SLC39A12: variants seen among roughly 807,000 people sequenced by gnomAD.
SLC39A12 encodes the protein zinc transporter ZIP12.
SLC39A12 carries 63 observed loss-of-function variants against 71.1 expected under a neutral mutation model. The observed-to-expected ratio is 0.89, with a 90% CI of 0.72 to 1.09. The LOEUF (loss-of-function observed/expected upper bound fraction) is 1.09, where lower values mean the gene tolerates loss of function less well. SLC39A12 is among the 50% of genes least tolerant of loss of function. The pLI is 0.00. For missense variants in SLC39A12, 892 were observed against 812.6 expected (o/e 1.10, Z -1.19); for synonymous variants, 351 against 301.3 (o/e 1.16, Z -1.71).
chr10:17,983,498 C>G (rs12251231), intron 6 of SLC39A12, among the ~76,000 whole-genome samples: 1 of 151,724 alleles, frequency 6.6e-6, no homozygotes, highest in Non-Finnish European at 1.5e-5. Context: ...AAAACAAGAA[C>G]CTAGGCCGGG....
At chr10:17,959,920 A>T (rs1291473692) in intron 2 of SLC39A12, among the ~76,000 whole-genome samples, 7 of 152,174 alleles carry the variant, frequency 4.6e-5, no homozygotes, top group African/African-American at 1.7e-4. Context: ...TTGTGAACGA[A>T]ATGGACAAAA....
intron 12 of SLC39A12, among the ~76,000 whole-genome samples, chr10:18,027,577 G>A (rs1383534563): frequency 6.6e-6 from 1 of 152,202 alleles, no homozygotes; most frequent in Non-Finnish European, 1.5e-5. Context: ...TCCAGGCTGA[G>A]CTTTCAGCAA....
At chr10:17,955,492 G>A (rs1423942604) in intron 2 of SLC39A12, among the ~76,000 whole-genome samples, 1 of 152,106 alleles carries the variant, frequency 6.6e-6, no homozygotes, top group African/African-American at 2.4e-5. Context: ...ACAAACACGC[G>A]GGTTCTGGCG....
At position 17,995,856 on chromosome 10, in the gene SLC39A12, A is replaced by T. The variant is rs1188406065; in HGVS notation, c.1600+134A>T. On this transcript the variant is annotated intron_variant, in intron 10 of 12. Coordinates refer to ENST00000377369, the MANE Select transcript of SLC39A12 (RefSeq NM_001145195.2). ...TTATTATGAAAAACTTTGCAATAGG[A>T]TTTGTAATAAAAACTAATTCCTATC... 8 of 682,466 alleles carry T rather than the reference A, an allele frequency of 1.2e-5. 1 individual carries two copies. The South Asian group carries it at 2.1e-4, about 17-fold the overall frequency. 42.3% of individuals were successfully genotyped at this position (682,466 alleles called of 1,614,324 possible). A position where few individuals can be genotyped will look rare whatever the true frequency, so the allele number is the denominator to read the frequency against.
chr10:18,030,096 A>C (rs1016757789), intron 12 of SLC39A12, among the ~76,000 whole-genome samples: 23 of 151,464 alleles, frequency 1.5e-4, no homozygotes, highest in African/African-American at 4.8e-4. Flanking sequence ...AAGCAGGTTT[A>C]GCTGGGTTTC....
intron 6 of SLC39A12, among the ~76,000 whole-genome samples, chr10:17,981,941 G>C (rs1835270949): frequency 6.6e-6 from 1 of 152,208 alleles, no homozygotes; most frequent in Admixed American, 6.5e-5. Context: ...ATGCAGAGCT[G>C]AGTCATGCTT....
chr10:18,005,222 A>G (rs1214949335), intron 12 of SLC39A12: 2 of 152,214 alleles, frequency 1.3e-5, no homozygotes, highest in Non-Finnish European at 2.9e-5. Context: ...GGAACTTAAA[A>G]AAATAAAGTG....
intron 2 of SLC39A12, among the ~76,000 whole-genome samples, chr10:17,958,734 A>C (rs1887218): frequency 0.034 from 5,115 of 152,282 alleles, 254 homozygotes; most frequent in African/African-American, 0.12. Flanking sequence ...GGTGTAATTC[A>C]TGTGTTCTTT....
chr10:18,036,771 TATATATATA>T (rs1837045488), intron 12 of SLC39A12, among the ~76,000 whole-genome samples: 2 of 47,016 alleles, frequency 4.3e-5, no homozygotes, highest in African/African-American at 2.5e-4. Context: ...TATATATATA[TATATATATA>T]TATATATATA....
intron 2 of SLC39A12, among the ~76,000 whole-genome samples, chr10:17,955,156 AG>A (rs1554847634): frequency 7.1e-6 from 1 of 140,706 alleles, no homozygotes; most frequent in East Asian, 1.9e-4. Context: ...TAGTTTTGCC[AG>A]GGGGGAAGGT....
chr10:18,033,932 T>C (rs1014368776), intron 12 of SLC39A12, among the ~76,000 whole-genome samples: 1 of 151,110 alleles, frequency 6.6e-6, no homozygotes, highest in Non-Finnish European at 1.5e-5. Flanking sequence ...CAGGAGCAGG[T>C]TGTTCAGTTT....
chr10:18,034,150 G>T (rs540802566), intron 12 of SLC39A12, among the ~76,000 whole-genome samples: 5 of 152,310 alleles, frequency 3.3e-5, no homozygotes, highest in African/African-American at 1.2e-4. Flanking sequence ...GGAGGGTTCT[G>T]TAGATGTCTA....
chr10:18,030,616 A>C (rs1564663189), intron 12 of SLC39A12, among the ~76,000 whole-genome samples: 1 of 99,532 alleles, frequency 1.0e-5, no homozygotes. Flanking sequence ...TATTTTATTT[A>C]TTTATGTATT....
chr10:17,970,534 T>G (rs959054526), intron 4 of SLC39A12, among the ~76,000 whole-genome samples: 30 of 152,278 alleles, frequency 2.0e-4, no homozygotes, highest in African/African-American at 7.2e-4. Context: ...TTTAATTTTA[T>G]TTGTGGCTAT....
rs1834447314 is a variant in SLC39A12, at chr10:17,953,176, TC to T, written c.-86-11del. 7.1e-7 allele frequency: 1 copy of T among 1,416,042 alleles called. No homozygotes were observed. The highest frequency in any genetic ancestry group is 1.4e-5 in the South Asian group (1 of 72,502). 87.7% of individuals were successfully genotyped at this position (1,416,042 alleles called of 1,614,324 possible). A position where few individuals can be genotyped will look rare whatever the true frequency, so the allele number is the denominator to read the frequency against. On this transcript the variant is annotated splice_polypyrimidine_tract_variant and intron_variant, in intron 1 of 12. Transcript: ENST00000377369. ...GCACAATAATTGAAGGCTTTATTTT[TC>T]CCCTTTACCACAGAAATTCCTTTGG...
At chr10:17,981,973 A>T (rs1434167387) in intron 6 of SLC39A12, among the ~76,000 whole-genome samples, 2 of 152,170 alleles carry the variant, frequency 1.3e-5, no homozygotes, top group African/African-American at 4.8e-5. Context: ...AGACTTTGTG[A>T]TCTTTAGCAA....
At chr10:17,983,068 T>C (rs1429844406) in intron 6 of SLC39A12, among the ~76,000 whole-genome samples, 1 of 139,430 alleles carries the variant, frequency 7.2e-6, no homozygotes, top group Non-Finnish European at 1.5e-5. Flanking sequence ...GGCATGCTGG[T>C]GGGCGGCTGT....
intron 12 of SLC39A12, among the ~76,000 whole-genome samples, chr10:18,015,488 G>T (rs1249342980): frequency 1.3e-5 from 2 of 151,996 alleles, no homozygotes; most frequent in Admixed American, 1.3e-4. Context: ...AAAAAATCTA[G>T]GTGCATTGGT....
intron 12 of SLC39A12, among the ~76,000 whole-genome samples, chr10:18,004,870 T>C (rs1338724273): frequency 6.6e-6 from 1 of 152,172 alleles, no homozygotes; most frequent in Non-Finnish European, 1.5e-5. Context: ...GTGATACATA[T>C]GCACCGTGGA....
Sources: gnomAD v4.1 joint callset for allele counts (sites outside exome capture counted in the v4.1 genomes callset) on GRCh38, gnomAD v4.1.1 for gene constraint, MANE v1.5 for transcripts, NCBI Gene and HGNC (gene_info 2026-07-23, HGNC 2026-07-21) for gene names.